RFX3: variants seen among roughly 807,000 people sequenced by gnomAD.
RFX3 encodes regulatory factor X3.
In RFX3, 14 loss-of-function variants were observed where a neutral mutation model predicts 98.6. The observed-to-expected ratio is 0.14, with a 90% CI of 0.09 to 0.22. RFX3 has a LOEUF of 0.22. Ranked by LOEUF, RFX3 falls within the 10% of genes least tolerant of loss-of-function variation. The pLI, the probability that RFX3 is intolerant of heterozygous loss-of-function variation, is 1.00. For missense variants in RFX3, 639 were observed against 926.9 expected, an observed-to-expected ratio of 0.69 and a Z score of 4.03; for synonymous variants, 383 against 328.4, an observed-to-expected ratio of 1.17 and a Z score of -1.80.
intron 1 of RFX3, among the ~76,000 whole-genome samples, chr9:3,504,943 T>C (rs1185755628): frequency 5.6e-5 from 4 of 71,722 alleles, no homozygotes; most frequent in African/African-American, 6.9e-5. Context: ...ATAATATATA[T>C]AATATAATAT....
intron 1 of RFX3, among the ~76,000 whole-genome samples, chr9:3,502,014 G>C (rs962854693): frequency 2.0e-5 from 3 of 151,758 alleles, no homozygotes; most frequent in African/African-American, 7.3e-5. Flanking sequence ...CACTCTGGGA[G>C]GCCGAGGCGG....
At chr9:3,512,566 G>A (rs925048938) in intron 1 of RFX3, among the ~76,000 whole-genome samples, 13 of 151,760 alleles carry the variant, frequency 8.6e-5, no homozygotes, top group African/African-American at 2.7e-4. Flanking sequence ...ATAATTACAA[G>A]AAAACTCTGA....
intron 7 of RFX3, among the ~76,000 whole-genome samples, chr9:3,282,653 A>G (rs1377007885): frequency 6.6e-6 from 1 of 151,794 alleles, no homozygotes; most frequent in African/African-American, 2.4e-5. Context: ...CTCTAAGCAT[A>G]GGTGGTTTAT....
chr9:3,276,783 T>G (rs1459062314), intron 8 of RFX3, among the ~76,000 whole-genome samples: 1 of 152,054 alleles, frequency 6.6e-6, no homozygotes, highest in Admixed American at 6.6e-5. Context: ...CAAATTAAAG[T>G]GCCACTTTTT....
intron 2 of RFX3, among the ~76,000 whole-genome samples, chr9:3,348,157 C>G (rs531768944): frequency 2.0e-5 from 3 of 152,130 alleles, no homozygotes; most frequent in Admixed American, 6.6e-5. Flanking sequence ...GGTCATTTAT[C>G]TTGGAGAATT....
At chr9:3,334,613 T>A (rs1200005448) in intron 3 of RFX3, among the ~76,000 whole-genome samples, 1 of 151,978 alleles carries the variant, frequency 6.6e-6, no homozygotes, top group Non-Finnish European at 1.5e-5. Flanking sequence ...ACTATCCCCA[T>A]CACTCCATCG....
intron 1 of RFX3, among the ~76,000 whole-genome samples, chr9:3,477,689 T>A (rs547109273): frequency 1.3e-5 from 2 of 152,144 alleles, no homozygotes; most frequent in Non-Finnish European, 2.9e-5. Context: ...TAGCACAGAG[T>A]AATATTTTTC....
At chr9:3,490,678 G>A (rs1181999605) in intron 1 of RFX3, among the ~76,000 whole-genome samples, 1 of 152,094 alleles carries the variant, frequency 6.6e-6, no homozygotes, top group Admixed American at 6.5e-5. Flanking sequence ...AAAAGAATAT[G>A]TGCTTTTAAA....
intron 1 of RFX3, among the ~76,000 whole-genome samples, chr9:3,416,318 G>A (rs894502406): frequency 9.2e-5 from 14 of 152,162 alleles, no homozygotes; most frequent in African/African-American, 2.4e-4. Context: ...ACTTGTCCAA[G>A]ATCACATATC....
chr9:3,270,779 G>GA, intron 10 of RFX3: 1 of 684,120 alleles, frequency 1.5e-6, no homozygotes, highest in Non-Finnish European at 2.4e-6. Context: ...CCATGAGGAT[G>GA]AAATAACTAC....
At chr9:3,495,423 C>T (rs1242591013) in intron 1 of RFX3, among the ~76,000 whole-genome samples, 1 of 151,954 alleles carries the variant, frequency 6.6e-6, no homozygotes, top group East Asian at 1.9e-4. Flanking sequence ...AAAAAAATGG[C>T]AGCTATCAAT....
intron 2 of RFX3, among the ~76,000 whole-genome samples, chr9:3,350,429 G>A (rs928100322): frequency 3.3e-5 from 5 of 152,122 alleles, no homozygotes; most frequent in African/African-American, 1.2e-4. Flanking sequence ...TGCTAGCAGG[G>A]ATGTGAGAAA....
chr9:3,290,900 C>T (rs1827247803), intron 6 of RFX3, among the ~76,000 whole-genome samples: 1 of 152,138 alleles, frequency 6.6e-6, no homozygotes, highest in Non-Finnish European at 1.5e-5. Context: ...GCCACAGAAA[C>T]CAGAAAAAAT....
At chr9:3,300,903 G>C (rs764986363) in intron 5 of RFX3, among the ~76,000 whole-genome samples, 1 of 151,796 alleles carries the variant, frequency 6.6e-6, no homozygotes, top group African/African-American at 2.4e-5. Context: ...AGTGATATCT[G>C]CATCTGATAA....
chr9:3,465,053 A>G (rs1848078742), intron 1 of RFX3, among the ~76,000 whole-genome samples: 1 of 152,192 alleles, frequency 6.6e-6, no homozygotes, highest in Non-Finnish European at 1.5e-5. Context: ...TAAGGTATCT[A>G]TATGTTAAAG....
chr9:3,323,565 G>T (rs115835135), intron 4 of RFX3, among the ~76,000 whole-genome samples: 108 of 152,070 alleles, frequency 7.1e-4, no homozygotes, highest in African/African-American at 2.5e-3. Context: ...CTGAGGTACA[G>T]GTTACTTTAA....
intron 4 of RFX3, among the ~76,000 whole-genome samples, chr9:3,314,402 C>T (rs1830330248): frequency 6.6e-6 from 1 of 152,176 alleles, no homozygotes; most frequent in African/African-American, 2.4e-5. Context: ...TAACTGGTAC[C>T]AGCCACTGCA....
chr9:3,467,265 TAC>T (rs1393828977), intron 1 of RFX3, among the ~76,000 whole-genome samples: 5 of 145,484 alleles, frequency 3.4e-5, no homozygotes, highest in African/African-American at 1.3e-4. Context: ...CATATATATG[TAC>T]ATACATACAT....
intron 1 of RFX3, among the ~76,000 whole-genome samples, chr9:3,485,935 A>C (rs918696837): frequency 3.3e-5 from 5 of 151,538 alleles, no homozygotes; most frequent in African/African-American, 9.7e-5. Context: ...GACCAGCCTG[A>C]CCAACGTGGA....
Sources: gnomAD v4.1 joint callset for allele counts (sites outside exome capture counted in the v4.1 genomes callset) on GRCh38, gnomAD v4.1.1 for gene constraint, MANE v1.5 for transcripts, NCBI Gene and HGNC (gene_info 2026-07-23, HGNC 2026-07-21) for gene names.